SSH2: variants seen among roughly 807,000 people sequenced by gnomAD.
The protein encoded by SSH2 is slingshot protein phosphatase 2, also known as protein phosphatase Slingshot homolog 2.
In SSH2, 37 loss-of-function variants were observed where a neutral mutation model predicts 135.2. That is an observed-to-expected ratio of 0.27 (90% CI 0.21 to 0.36). SSH2 has a LOEUF of 0.36. Among genes scored for constraint, SSH2 ranks in the 10% least tolerant of loss-of-function variants. The probability of loss-of-function intolerance (pLI) is 1.00; values close to 1 mark genes in which losing one functional copy is unlikely to be tolerated. For missense variants in SSH2, 1,408 were observed against 1,765.3 expected, an observed-to-expected ratio of 0.80 and a Z score of 3.63; for synonymous variants, 628 against 646.2, an observed-to-expected ratio of 0.97 and a Z score of 0.43.
chr17:29,736,145 AG>A (rs2040356581), intron 3 of SSH2, among the ~76,000 whole-genome samples: 1 of 152,300 alleles, frequency 6.6e-6, no homozygotes, highest in East Asian at 1.9e-4. Context: ...CCAAGCATTA[AG>A]TGAGAGTTGA....
chr17:29,787,409 C>T (rs1314247410), intron 3 of SSH2: 1 of 152,176 alleles, frequency 6.6e-6, no homozygotes, highest in African/African-American at 2.4e-5. Flanking sequence ...CATCTCTTGG[C>T]TATTGTGAAT....
chr17:29,718,037 G>A (rs2039686355), intron 3 of SSH2, among the ~76,000 whole-genome samples: 1 of 152,206 alleles, frequency 6.6e-6, no homozygotes, highest in Non-Finnish European at 1.5e-5. Context: ...TAGGGTTTCA[G>A]TGTTTCTACT....
chr17:29,734,046 G>A (rs2040287738), intron 3 of SSH2, among the ~76,000 whole-genome samples: 1 of 151,440 alleles, frequency 6.6e-6, no homozygotes, highest in East Asian at 1.9e-4. Context: ...AGCTTCCCAA[G>A]CAGCTGGGAC....
At chr17:29,728,844 T>C (rs907332804) in intron 3 of SSH2, among the ~76,000 whole-genome samples, 8 of 152,206 alleles carry the variant, frequency 5.3e-5, no homozygotes, top group African/African-American at 1.9e-4. Context: ...CTGATGTCCA[T>C]ATGCAGAAGA....
At chr17:29,746,121 A>G (rs1334369579) in intron 3 of SSH2, among the ~76,000 whole-genome samples, 1 of 152,148 alleles carries the variant, frequency 6.6e-6, no homozygotes, top group Non-Finnish European at 1.5e-5. Context: ...GTTCAAAGGG[A>G]CTTCAAAGAG....
Position 29,626,843 on chromosome 17 carries a change from C to T in SSH2, c.*3998G>A, listed in dbSNP as rs1306107583. On this transcript the variant is annotated 3_prime_UTR_variant, in exon 16 of 16. Coordinates refer to ENST00000540801, the MANE Select transcript of SSH2 (RefSeq NM_001282129.2). ...TTAGTTTGGAAGGGAAAACAAAGTC[C>T]AAGATGCTTTTAAGTTGGATTGATG... is the stretch of plus-strand genomic sequence containing the variant. 1 of 152,534 alleles carries T rather than the reference C, an allele frequency of 6.6e-6. No homozygotes were observed. The highest frequency in any genetic ancestry group is 1.5e-5 in the Non-Finnish European group (1 of 68,022). The allele number at this position is 152,534 out of a possible 1,614,324, so 9.4% of individuals were successfully genotyped here. A position where few individuals can be genotyped will look rare whatever the true frequency, so the allele number is the denominator to read the frequency against.
intron 1 of SSH2, chr17:29,856,121 C>T (rs944538080): frequency 6.2e-6 from 2 of 322,060 alleles, no homozygotes; most frequent in Non-Finnish European, 1.2e-5. Flanking sequence ...AAAAATACAT[C>T]TGGATGGTTT....
intron 3 of SSH2, among the ~76,000 whole-genome samples, chr17:29,704,671 C>G (rs2039125646): frequency 6.8e-6 from 1 of 147,866 alleles, no homozygotes; most frequent in African/African-American, 2.5e-5. Context: ...CCATTGTACT[C>G]CAGCTGGGGC....
At chr17:29,708,606 A>C (rs1274796653) in intron 3 of SSH2, among the ~76,000 whole-genome samples, 1 of 150,762 alleles carries the variant, frequency 6.6e-6, no homozygotes. Context: ...AAAAAAAAAA[A>C]ACAAACAAAA....
chr17:29,632,292 C>T lies in SSH2; in HGVS notation c.2902G>A (p.Glu968Lys). Residue 968 changes from glutamate to lysine, a missense_variant, in exon 16 of 16, where the codon GAG becomes AAG. Glu to Lys is a moderately conservative substitution (Grantham distance 56). This residue lies in a region of SSH2 where 1,080 missense variants were observed against 1,144.5 expected (regional missense o/e 0.94). Transcript: ENST00000540801. ...SKGKGKYSGS[E>K]AGSLSHSEQN... ...TCAGAATGGGACAGTGAGCCAGCCTCAGACCCACTGTATTTCCCTTTGCCT... is the reference window on the plus strand; with the variant it reads ...TCAGAATGGGACAGTGAGCCAGCCTTAGACCCACTGTATTTCCCTTTGCCT... 6.2e-7 allele frequency: 1 copy of T among 1,614,142 alleles called. No individual in the cohort carries two copies. Among genetic ancestry groups the T allele is most frequent in the Non-Finnish European group, 8.5e-7 (1 of 1,179,996 alleles).
At chr17:29,725,114 A>G (rs1445661214) in intron 3 of SSH2, among the ~76,000 whole-genome samples, 1 of 151,036 alleles carries the variant, frequency 6.6e-6, no homozygotes, top group Non-Finnish European at 1.5e-5. Context: ...CTGGGAGGCC[A>G]AGACGGGCAG....
chr17:29,888,931 C>CAAAAAAAAAAAAAAAA (rs1175371440), intron 1 of SSH2, among the ~76,000 whole-genome samples: 1 of 42,082 alleles, frequency 2.4e-5, no homozygotes, highest in Non-Finnish European at 3.9e-5. Flanking sequence ...GACACTATCT[C>CAAAAAAAAAAAAAAAA]AAAAAAAAAA....
intron 1 of SSH2, among the ~76,000 whole-genome samples, chr17:29,866,281 T>G (rs73263690): frequency 0.015 from 2,248 of 151,292 alleles, 57 homozygotes; most frequent in African/African-American, 0.05. Context: ...TAACTAATGC[T>G]TGGATTCCTA....
intron 6 of SSH2, among the ~76,000 whole-genome samples, chr17:29,683,134 G>C (rs1005923635): frequency 2.0e-5 from 3 of 152,078 alleles, no homozygotes; most frequent in African/African-American, 7.2e-5. Context: ...CTAGGCCTGG[G>C]TCACACCCCT....
intron 3 of SSH2, among the ~76,000 whole-genome samples, chr17:29,744,893 G>A (rs1343735600): frequency 6.8e-6 from 1 of 147,012 alleles, no homozygotes; most frequent in Non-Finnish European, 1.5e-5. Flanking sequence ...GTGTGTGTGT[G>A]TGTGTGTGTT....
chr17:29,892,091 A>G (rs2066361541), intron 1 of SSH2, among the ~76,000 whole-genome samples: 1 of 151,622 alleles, frequency 6.6e-6, no homozygotes, highest in Non-Finnish European at 1.5e-5. Flanking sequence ...AAAAAGAGAC[A>G]AGGTCTTGTT....
At chr17:29,792,539 T>C (rs907849427) in intron 3 of SSH2, among the ~76,000 whole-genome samples, 3 of 152,132 alleles carry the variant, frequency 2.0e-5, no homozygotes, top group African/African-American at 7.2e-5. Flanking sequence ...ATTTATGTGT[T>C]AACAAATCAG....
intron 2 of SSH2, among the ~76,000 whole-genome samples, chr17:29,839,495 T>C (rs577167031): frequency 1.3e-5 from 2 of 152,186 alleles, no homozygotes; most frequent in African/African-American, 4.8e-5. Flanking sequence ...CCAATAACAG[T>C]GTATCTTTAC....
At chr17:29,736,027 G>A (rs559525348) in intron 3 of SSH2, among the ~76,000 whole-genome samples, 84 of 151,946 alleles carry the variant, frequency 5.5e-4, no homozygotes, top group Non-Finnish European at 1.0e-3. Context: ...AACCCAGGAG[G>A]CGGAGGTTGC....
Sources: allele counts gnomAD v4.1 joint callset (sites outside exome capture counted in the v4.1 genomes callset), GRCh38; gene constraint gnomAD v4.1.1; regional missense constraint gnomAD v4.1.1; transcripts MANE v1.5; gene names NCBI Gene and HGNC (gene_info 2026-07-23, HGNC 2026-07-21).